ZNF266: variants seen among roughly 807,000 people sequenced by gnomAD.
ZNF266 encodes the protein zinc finger protein 1.
Under a neutral mutation model 16.4 loss-of-function variants are expected in ZNF266, and 16 were observed. The observed-to-expected ratio is 0.98, with a 90% CI of 0.66 to 1.48. ZNF266 has a LOEUF of 1.48. Among genes scored for constraint, ZNF266 ranks in the 40% most tolerant of loss-of-function variants. The pLI, the probability that ZNF266 is intolerant of heterozygous loss-of-function variation, is 0.00. For missense variants in ZNF266, 738 were observed against 689.1 expected (o/e 1.07, Z -0.79); for synonymous variants, 262 against 237.9 (o/e 1.10, Z -0.93).
At chr19:9,417,741 C>T in intron 9 of ZNF266, 87 bp downstream of exon 9, 4 of 1,108,108 alleles carry the variant, frequency 3.6e-6, no homozygotes, top group Non-Finnish European at 5.3e-6. Flanking sequence ...GAGTGAGACT[C>T]CATCTCAAAA....
intron 5 of ZNF266, among the ~76,000 whole-genome samples, chr19:9,431,810 CCA>C (rs147437034): frequency 2.6e-4 from 39 of 152,234 alleles, no homozygotes; most frequent in African/African-American, 7.0e-4. Flanking sequence ...TAATATGACC[CCA>C]GAGATCCCCA....
intron 5 of ZNF266, among the ~76,000 whole-genome samples, chr19:9,425,232 C>T (rs75598441): frequency 0.021 from 3,259 of 152,304 alleles, 117 homozygotes; most frequent in African/African-American, 0.074. Flanking sequence ...ACCTTAATAA[C>T]GCAAGGCCCA....
At chr19:9,425,889 G>C (rs916640061) in intron 5 of ZNF266, among the ~76,000 whole-genome samples, 1 of 152,108 alleles carries the variant, frequency 6.6e-6, no homozygotes, top group Non-Finnish European at 1.5e-5. Flanking sequence ...TGGCATAACG[G>C]GCTTGCTACT....
At chr19:9,434,665 G>A (rs910292758) in intron 3 of ZNF266, 133 bp downstream of exon 3, 13 of 151,996 alleles carry the variant, frequency 8.6e-5, no homozygotes, top group African/African-American at 2.7e-4. Flanking sequence ...TTTTACACAG[G>A]GTACATATTA....
chr19:9,432,023 T>C (rs1212280648), intron 5 of ZNF266, among the ~76,000 whole-genome samples: 1 of 152,200 alleles, frequency 6.6e-6, no homozygotes, highest in Non-Finnish European at 1.5e-5. Flanking sequence ...TAGCGCAATC[T>C]CAGCTCACTG....
intron 5 of ZNF266, among the ~76,000 whole-genome samples, chr19:9,424,601 T>C (rs1220582191): frequency 6.6e-6 from 1 of 152,250 alleles, no homozygotes; most frequent in Non-Finnish European, 1.5e-5. Context: ...TTTTGCATGT[T>C]TTCTCTCTGC....
chr19:9,414,304 C>G lies in ZNF266; in HGVS notation c.822G>C (p.Arg274Ser). ...TDLAVRIQTH[R>S]SEKPYKCKEC... is the part of the protein sequence containing the mutation. The stretch of plus-strand genomic sequence containing the variant: ...CCTTACATTTGTAGGGTTTTTCTGA[C>G]CTGTGAGTTTGTATACGCACAGCAA... The change falls in exon 11 of 11, where the codon AGG becomes AGC. Residue 274 changes from arginine (R) to serine (S), a missense_variant. Physicochemically the swap from Arg to Ser is moderately radical, Grantham distance 110. Coordinates refer to ENST00000592904, the MANE Select transcript of ZNF266 (RefSeq NM_001370374.1). 6.2e-7 allele frequency: 1 copy of G among 1,613,894 alleles called. No individual in the cohort carries two copies. Among genetic ancestry groups the G allele is most frequent in the Non-Finnish European group, 8.5e-7 (1 of 1,179,928 alleles).
intron 5 of ZNF266, among the ~76,000 whole-genome samples, chr19:9,425,996 G>A (rs77830016): frequency 0.019 from 2,915 of 152,274 alleles, 61 homozygotes; most frequent in African/African-American, 0.045. Flanking sequence ...GTATGGATAA[G>A]CAGTACAGAC....
At chr19:9,416,757 C>T (rs945568635) in intron 9 of ZNF266, among the ~76,000 whole-genome samples, 12 of 131,314 alleles carry the variant, frequency 9.1e-5, no homozygotes, top group Non-Finnish European at 1.5e-4. Context: ...TTGCAACCTT[C>T]GGCCCCTGGG....
chr19:9,413,527 A>C lies in ZNF266; in HGVS notation c.1599T>G (p.Cys533Trp), dbSNP rs1233884749. 7 of 1,613,070 alleles carry C rather than the reference A, an allele frequency of 4.3e-6. No individual in the cohort carries two copies. The highest frequency in any genetic ancestry group is 5.9e-6 in the Non-Finnish European group (7 of 1,179,296). The change falls in exon 11 of 11, where the codon TGT (cysteine) becomes TGG (tryptophan). Residue 533 changes from cysteine to tryptophan, a missense_variant. Coordinates refer to ENST00000592904, the MANE Select transcript of ZNF266 (RefSeq NM_001370374.1). ...ACTTAAAAGCTTTGCCACATTCCAT[A>C]CACGTGAATGGTTTTTTGGCGCTGT... ...RTHSAKKPFTCMECGKAFKFP... is the reference protein window; with the variant it reads ...RTHSAKKPFTWMECGKAFKFP...
chr19:9,426,977 C>T (rs1038051077), intron 5 of ZNF266, among the ~76,000 whole-genome samples: 1 of 152,168 alleles, frequency 6.6e-6, no homozygotes, highest in Non-Finnish European at 1.5e-5. Flanking sequence ...GACTTTGACA[C>T]TTACAAATTG....
intron 5 of ZNF266, among the ~76,000 whole-genome samples, chr19:9,429,629 C>A (rs1393585373): frequency 6.6e-6 from 1 of 152,120 alleles, no homozygotes; most frequent in Admixed American, 6.5e-5. Context: ...ACACTAAAAC[C>A]TCCACACAGT....
chr19:9,429,895 C>A (rs2071333030), intron 5 of ZNF266, among the ~76,000 whole-genome samples: 1 of 152,156 alleles, frequency 6.6e-6, no homozygotes, highest in African/African-American at 2.4e-5. Flanking sequence ...CTCCATGATG[C>A]CTTCTAATGA....
intron 5 of ZNF266, chr19:9,420,717 G>T (rs1978438): frequency 0.56 from 85,086 of 151,198 alleles, 24,181 homozygotes; most frequent in Middle Eastern, 0.63. Context: ...ATCACACCAC[G>T]GCACTCCAGC....
Position 9,425,417 on chromosome 19 carries a change from A to G in ZNF266, c.-129-5199T>C, listed in dbSNP as rs538111488. On this transcript the variant is annotated intron_variant, in intron 5 of 10. Transcript: ENST00000592904. ...ACATCTTGCCCGCCCAACACACTGGAATGTAACTCTCCTCCCGGTCTGGGT... is the reference window on the plus strand; with the variant it reads ...ACATCTTGCCCGCCCAACACACTGGGATGTAACTCTCCTCCCGGTCTGGGT... 1.1e-4 allele frequency among the ~76,000 whole-genome samples: 17 copies of G among 152,196 alleles called. No homozygotes were observed. The East Asian group carries it at 3.3e-3, about 30-fold the overall frequency.
At chr19:9,429,067 G>A (rs540775129) in intron 5 of ZNF266, among the ~76,000 whole-genome samples, 127 of 152,044 alleles carry the variant, frequency 8.4e-4, no homozygotes, top group African/African-American at 2.8e-3. Context: ...TAATGCTAGC[G>A]CCTCGAAAAA....
At position 9,420,237 on chromosome 19, in the gene ZNF266, A is replaced by G. The variant is rs1448792008; in HGVS notation, c.-129-19T>C. On this transcript the variant is annotated intron_variant, in intron 5 of 10. Coordinates refer to ENST00000592904, the MANE Select transcript of ZNF266 (RefSeq NM_001370374.1). ...CGGTATCCTGTTTGTATAAATCATT[A>G]ATCAACAAGCATTACTTATCAGTCA... 1 of 152,354 alleles carries G rather than the reference A, an allele frequency of 6.6e-6. No homozygotes were observed. Among genetic ancestry groups the G allele is most frequent in the Non-Finnish European group, 1.5e-5 (1 of 68,058 alleles). 9.4% of individuals were successfully genotyped at this position (152,354 alleles called of 1,614,324 possible).
intron 10 of ZNF266, among the ~76,000 whole-genome samples, chr19:9,415,445 ATTAAAT>A (rs1039684691): frequency 6.6e-5 from 10 of 152,110 alleles, no homozygotes; most frequent in Admixed American, 6.6e-5. Flanking sequence ...TTTTAATGTA[ATTAAAT>A]TTAGTTTTTA....
At chr19:9,425,798 C>T (rs1205401753) in intron 5 of ZNF266, among the ~76,000 whole-genome samples, 1 of 152,170 alleles carries the variant, frequency 6.6e-6, no homozygotes. Context: ...GCACGACAGT[C>T]ACTATCCAAG....
Sources: gnomAD v4.1 joint callset for allele counts (sites outside exome capture counted in the v4.1 genomes callset) on GRCh38, gnomAD v4.1.1 for gene constraint, MANE v1.5 for transcripts, NCBI Gene and HGNC (gene_info 2026-07-23, HGNC 2026-07-21) for gene names.